Variants in SLF1 observed in about 807,000 individuals in gnomAD.
SLF1 encodes SMC5-SMC6 complex localization factor protein 1.
In SLF1, 105 loss-of-function variants were observed where a neutral mutation model predicts 123.0. The observed-to-expected ratio is 0.85, with a 90% CI of 0.73 to 1.00. The LOEUF is 1.00. SLF1 is among the 50% of genes least tolerant of loss of function. The pLI is 0.00. For synonymous variants in SLF1, 434 were observed against 406.6 expected, an observed-to-expected ratio of 1.07 and a Z score of -0.81; for missense variants, 1,239 against 1,223.0, an observed-to-expected ratio of 1.01 and a Z score of -0.20.
intron 9 of SLF1, among the ~76,000 whole-genome samples, chr5:94,659,421 A>C (rs560873119): frequency 6.6e-6 from 1 of 152,014 alleles, no homozygotes; most frequent in Non-Finnish European, 1.5e-5. Flanking sequence ...CCTTTCTTGC[A>C]TAGTTATGTT....
At chr5:94,670,021 T>C (rs1291540712) in intron 12 of SLF1, 130 bp from the exon 13 acceptor site, 2 of 840,340 alleles carry the variant, frequency 2.4e-6, no homozygotes, top group East Asian at 6.4e-5. Flanking sequence ...TCATAAAATT[T>C]TGTTGAACTT....
chr5:94,655,287 A>G (rs577024376), intron 9 of SLF1, among the ~76,000 whole-genome samples: 7 of 152,188 alleles, frequency 4.6e-5, no homozygotes, highest in Non-Finnish European at 8.8e-5. Flanking sequence ...TCACTGGTCT[A>G]TATGTCTGTT....
intron 12 of SLF1, among the ~76,000 whole-genome samples, chr5:94,667,667 C>T (rs1749949116): frequency 6.6e-6 from 1 of 152,208 alleles, no homozygotes; most frequent in Admixed American, 6.5e-5. Flanking sequence ...TCACCACTTT[C>T]TTGAATGTGT....
rs187373830 is a variant in SLF1 at position 94,629,244 on chromosome 5, T to G, written c.190+77T>G. The G allele has an allele frequency of 8.5e-6, 9 of 1,057,910 alleles. No homozygotes were observed. The African/African-American group carries it at 9.7e-5, about 11-fold the overall frequency. 65.5% of individuals were successfully genotyped at this position (1,057,910 alleles called of 1,614,324 possible). A position where few individuals can be genotyped will look rare whatever the true frequency, so the allele number is the denominator to read the frequency against. On this transcript the variant is annotated intron_variant, in intron 3 of 20. Coordinates refer to ENST00000265140, the MANE Select transcript of SLF1 (RefSeq NM_032290.4). Reference sequence around the variant, plus strand: ...AAAAGTATTTTAGTCTCTGGAGAGATAGCATATTTACATATCAAACCTAAA... The same window carrying G: ...AAAAGTATTTTAGTCTCTGGAGAGAGAGCATATTTACATATCAAACCTAAA...
intron 3 of SLF1, 118 bp downstream of exon 3, chr5:94,629,285 T>C (rs1744948698): frequency 1.4e-6 from 1 of 705,154 alleles, no homozygotes; most frequent in Non-Finnish European, 2.1e-6. Context: ...TTTTCTGATA[T>C]TTTTTGAAAA....
At chr5:94,627,598 A>G (rs915574433) in intron 1 of SLF1, among the ~76,000 whole-genome samples, 17 of 124,586 alleles carry the variant, frequency 1.4e-4, no homozygotes, top group Middle Eastern at 3.9e-3. Context: ...ATATATATAT[A>G]TATATATATA....
At chr5:94,637,714 G>A (rs1585121950) in intron 4 of SLF1, among the ~76,000 whole-genome samples, 1 of 152,056 alleles carries the variant, frequency 6.6e-6, no homozygotes. Context: ...GAAGTACACT[G>A]TGGTTAGCAT....
intron 14 of SLF1, among the ~76,000 whole-genome samples, chr5:94,677,997 T>G (rs953330695): frequency 6.6e-6 from 1 of 152,008 alleles, no homozygotes; most frequent in Non-Finnish European, 1.5e-5. Context: ...CTCCTCTTAC[T>G]GCAAGCTCCG....
chr5:94,639,036 C>CTT (rs1746140779), intron 4 of SLF1, among the ~76,000 whole-genome samples: 2 of 111,452 alleles, frequency 1.8e-5, no homozygotes, highest in African/African-American at 7.3e-5. Context: ...TCTTTTCTTC[C>CTT]CTTTTTTTTT....
chr5:94,649,762 C>T (rs916219433), intron 6 of SLF1, among the ~76,000 whole-genome samples, 165 bp downstream of exon 6: 1 of 152,132 alleles, frequency 6.6e-6, no homozygotes, highest in African/African-American at 2.4e-5. Context: ...TCCTATGTCT[C>T]TGGGAACTCT....
chr5:94,695,471 C>T lies in SLF1; in HGVS notation c.*159C>T. On this transcript the variant is annotated 3_prime_UTR_variant, in exon 21 of 21. Transcript: ENST00000265140. ...AAAAGCATTTTTAAAAAAACTTCTA[C>T]AAAACTCTAGTATGGGCTTCTGACT... 1.2e-6 allele frequency: 1 copy of T among 847,292 alleles called. No homozygotes were observed. The allele number at this position is 847,292 out of a possible 1,614,324, so 52.5% of individuals were successfully genotyped here.
chr5:94,683,682 A>G (rs1356842515), intron 15 of SLF1, among the ~76,000 whole-genome samples: 1 of 152,190 alleles, frequency 6.6e-6, no homozygotes, highest in Admixed American at 6.5e-5. Flanking sequence ...TGATGGGAAG[A>G]GAGGCCAGAA....
intron 1 of SLF1, among the ~76,000 whole-genome samples, chr5:94,628,233 C>T (rs145487602): frequency 0.075 from 11,418 of 152,204 alleles, 589 homozygotes; most frequent in Non-Finnish European, 0.1. Context: ...GCAACCACTG[C>T]GTCCAGGGTT....
intron 9 of SLF1, among the ~76,000 whole-genome samples, chr5:94,658,820 C>T (rs1211700380): frequency 3.3e-5 from 5 of 151,456 alleles, no homozygotes; most frequent in Non-Finnish European, 7.4e-5. Context: ...GCTTTTTTTT[C>T]GTTTTGTCTG....
rs527406979 is a variant in SLF1, at chr5:94,684,474, A to G, written c.1976-2099A>G. ...AGCACTTTGGGAGGCCAAGGCGGGCAGATCACAAGGTCAGGAGATTGAGAC... is the reference window on the plus strand; with the variant it reads ...AGCACTTTGGGAGGCCAAGGCGGGCGGATCACAAGGTCAGGAGATTGAGAC... On this transcript the variant is annotated intron_variant, in intron 15 of 20. Transcript: ENST00000265140. 1.6e-3 allele frequency among the ~76,000 whole-genome samples: 245 copies of G among 152,184 alleles called. 4 individuals are homozygous for G. Among genetic ancestry groups the G allele is most frequent in the Middle Eastern group, 6.8e-3 (2 of 294 alleles).
In SLF1 at chr5:94,696,441, A is replaced by G. The variant is rs1753513469; in HGVS notation, c.*1129A>G. ...ATATCAGTATGAAAAAATATTTTAA[A>G]TAAGTACTTTTTCCACACATACTCA... On this transcript the variant is annotated 3_prime_UTR_variant, in exon 21 of 21. Coordinates refer to ENST00000265140, the MANE Select transcript of SLF1 (RefSeq NM_032290.4). The G allele has an allele frequency of 6.6e-6, 1 of 151,814 alleles. No homozygotes were observed. Among genetic ancestry groups the G allele is most frequent in the Non-Finnish European group, 1.5e-5 (1 of 67,814 alleles). The allele number at this position is 151,814 out of a possible 1,614,324, so 9.4% of individuals were successfully genotyped here.
intron 4 of SLF1, among the ~76,000 whole-genome samples, 188 bp downstream of exon 4, chr5:94,630,931 A>T (rs1350787075): frequency 6.6e-6 from 1 of 152,170 alleles, no homozygotes; most frequent in Non-Finnish European, 1.5e-5. Flanking sequence ...CTACTTTACA[A>T]TATTGTTTTA....
At chr5:94,642,137 C>G (rs1178632610) in intron 4 of SLF1, among the ~76,000 whole-genome samples, 1 of 152,204 alleles carries the variant, frequency 6.6e-6, no homozygotes, top group Non-Finnish European at 1.5e-5. Context: ...CTGTCTTATT[C>G]TTACCCAAAT....
intron 1 of SLF1, among the ~76,000 whole-genome samples, chr5:94,619,010 T>G (rs1204433954): frequency 1.3e-5 from 2 of 152,074 alleles, no homozygotes; most frequent in Non-Finnish European, 2.9e-5. Context: ...GCTTCGCCCG[T>G]GCCGCTGCGG....
Sources: allele counts gnomAD v4.1 joint callset (sites outside exome capture counted in the v4.1 genomes callset), GRCh38; gene constraint gnomAD v4.1.1; transcripts MANE v1.5; gene names NCBI Gene and HGNC (gene_info 2026-07-23, HGNC 2026-07-21).